Variants in HMCN1 observed in about 807,000 individuals in gnomAD.
HMCN1 encodes the protein hemicentin-1.
In HMCN1, 321 loss-of-function variants were observed where a neutral mutation model predicts 625.9. The ratio of observed to expected loss-of-function variants is 0.51; its 90% CI spans 0.47 to 0.56. The LOEUF is 0.56. HMCN1 is among the 20% of genes least tolerant of loss of function. The pLI is 0.00. For missense variants in HMCN1, 6,588 were observed against 6,887.3 expected (o/e 0.96, Z 1.54); for synonymous variants, 2,425 against 2,417.6 (o/e 1.00, Z -0.09).
At chr1:185,969,012 T>C (rs1650615134) in intron 14 of HMCN1, among the ~76,000 whole-genome samples, 2 of 152,202 alleles carry the variant, frequency 1.3e-5, no homozygotes, top group African/African-American at 2.4e-5. Context: ...AGAAAGCTAC[T>C]AGCAAAAAAG....
At position 186,171,992 on chromosome 1, in the gene HMCN1, G is replaced by T. The variant is rs754564960; in HGVS notation, c.15689-14G>T. Reference sequence around the variant, plus strand: ...AATTTTCTTAATCTACATTACCTTTGTTCTTTTATCAAGATGTGAACGAGT... The same window carrying T: ...AATTTTCTTAATCTACATTACCTTTTTTCTTTTATCAAGATGTGAACGAGT... On this transcript the variant is annotated splice_polypyrimidine_tract_variant and intron_variant, in intron 101 of 106. Transcript: ENST00000271588. The T allele has an allele frequency of 6.2e-7, 1 of 1,612,182 alleles. No homozygotes were observed. The highest frequency in any genetic ancestry group is 1.7e-5 in the Admixed American group (1 of 59,910).
chr1:186,081,933 T>C (rs1199262716), intron 56 of HMCN1, among the ~76,000 whole-genome samples: 1 of 152,208 alleles, frequency 6.6e-6, no homozygotes, highest in Non-Finnish European at 1.5e-5. Flanking sequence ...AAATTACTTC[T>C]TGAGCAAAAT....
At chr1:185,942,817 A>T (rs1668149983) in intron 11 of HMCN1, among the ~76,000 whole-genome samples, 2 of 152,194 alleles carry the variant, frequency 1.3e-5, no homozygotes, top group Admixed American at 1.3e-4. Flanking sequence ...GGCTTCCTAT[A>T]CTTCTGATCA....
chr1:186,129,035 C>T (rs538821963), intron 83 of HMCN1, among the ~76,000 whole-genome samples: 2 of 151,918 alleles, frequency 1.3e-5, no homozygotes, highest in South Asian at 4.2e-4. Flanking sequence ...AATTTATCAA[C>T]TGCATTACCT....
intron 11 of HMCN1, among the ~76,000 whole-genome samples, chr1:185,947,713 T>A (rs529662182): frequency 6.6e-6 from 1 of 152,364 alleles, no homozygotes; most frequent in East Asian, 1.9e-4. Flanking sequence ...TTTCATTTTT[T>A]TCTCTTTGGA....
chr1:185,838,436 G>T (rs528592747), intron 1 of HMCN1, among the ~76,000 whole-genome samples: 6 of 152,250 alleles, frequency 3.9e-5, no homozygotes, highest in African/African-American at 1.4e-4. Flanking sequence ...AGATGGTGCT[G>T]GGCATTATAC....
chr1:185,814,413 GACAA>G (rs1012377944), intron 1 of HMCN1, among the ~76,000 whole-genome samples: 22 of 152,080 alleles, frequency 1.4e-4, no homozygotes, highest in African/African-American at 5.1e-4. Flanking sequence ...TTTAATAACA[GACAA>G]ACAAAGTTGA....
chr1:186,014,689 A>T (rs1265117424), intron 30 of HMCN1, among the ~76,000 whole-genome samples: 1 of 152,052 alleles, frequency 6.6e-6, no homozygotes, highest in East Asian at 1.9e-4. Context: ...AAAGAAAAAA[A>T]TAGCAAGAAG....
At chr1:186,007,683 G>A (rs550606100) in intron 30 of HMCN1, among the ~76,000 whole-genome samples, 85 of 152,052 alleles carry the variant, frequency 5.6e-4, no homozygotes, top group Non-Finnish European at 1.0e-3. Context: ...GAATTCCATC[G>A]TGGCCGTTAT....
intron 4 of HMCN1, among the ~76,000 whole-genome samples, chr1:185,866,219 A>G (rs1180531657): frequency 6.6e-6 from 1 of 152,064 alleles, no homozygotes; most frequent in Non-Finnish European, 1.5e-5. Context: ...CTGAAGTAGA[A>G]TGCGAAAAAG....
intron 64 of HMCN1, among the ~76,000 whole-genome samples, chr1:186,092,099 A>T (rs1203479723): frequency 6.6e-6 from 1 of 151,872 alleles, no homozygotes; most frequent in Non-Finnish European, 1.5e-5. Flanking sequence ...TTTATATAAG[A>T]TAGTATTCAT....
chr1:185,927,415 A>G (rs1667333369), intron 9 of HMCN1, among the ~76,000 whole-genome samples: 1 of 152,248 alleles, frequency 6.6e-6, no homozygotes. Flanking sequence ...TAGTGCCTAC[A>G]GAATTGAAAG....
intron 1 of HMCN1, among the ~76,000 whole-genome samples, chr1:185,740,657 T>C (rs906014355): frequency 2.1e-4 from 32 of 148,896 alleles, no homozygotes; most frequent in African/African-American, 8.0e-4. Flanking sequence ...AATAGATTAA[T>C]TCCTTTAAGA....
intron 21 of HMCN1, 84 bp downstream of exon 21, chr1:185,989,731 G>C: frequency 8.0e-7 from 1 of 1,246,826 alleles, no homozygotes. Flanking sequence ...ACTGTTACCA[G>C]ATGCATGTAC....
At chr1:186,077,854 G>A (rs1658925997) in intron 54 of HMCN1, among the ~76,000 whole-genome samples, 1 of 152,170 alleles carries the variant, frequency 6.6e-6, no homozygotes, top group Non-Finnish European at 1.5e-5. Flanking sequence ...ACATAGAGTA[G>A]CAGTCCCCCT....
intron 33 of HMCN1, 49 bp from the exon 34 acceptor site, chr1:186,018,133 AT>A: frequency 1.4e-6 from 2 of 1,425,370 alleles, no homozygotes; most frequent in Non-Finnish European, 2.0e-6. Context: ...CTTCTAGGAT[AT>A]GATTTACTTA....
chr1:186,184,365 A>G (rs980629608), intron 105 of HMCN1, among the ~76,000 whole-genome samples: 4 of 152,218 alleles, frequency 2.6e-5, no homozygotes, highest in Admixed American at 2.6e-4. Flanking sequence ...AGATTTAGAA[A>G]TTACTGATAC....
At chr1:186,088,566 G>T (rs545752872) in intron 62 of HMCN1, 40 bp from the exon 63 acceptor site, 2 of 1,599,430 alleles carry the variant, frequency 1.3e-6, no homozygotes, top group African/African-American at 2.7e-5. Flanking sequence ...AAAGTTTAAA[G>T]GTTTTTTTAT....
chr1:186,129,730 T>C (rs1661828560), intron 83 of HMCN1, among the ~76,000 whole-genome samples: 1 of 152,224 alleles, frequency 6.6e-6, no homozygotes, highest in Non-Finnish European at 1.5e-5. Context: ...TTTTAAAAGA[T>C]GTTTGTTTTC....
Sources: allele counts gnomAD v4.1 joint callset (sites outside exome capture counted in the v4.1 genomes callset), GRCh38; gene constraint gnomAD v4.1.1; transcripts MANE v1.5; gene names NCBI Gene and HGNC (gene_info 2026-07-23, HGNC 2026-07-21).